The following DGKI variants were observed in gnomAD, a reference collection of about 807,000 sequenced individuals.
DGKI encodes DAG kinase iota.
DGKI carries 55 observed loss-of-function variants against 147.5 expected under a neutral mutation model. The ratio of observed to expected loss-of-function variants is 0.37; its 90% confidence interval spans 0.30 to 0.47. The LOEUF is 0.47. Among genes scored for constraint, DGKI ranks in the 20% least tolerant of loss-of-function variants. The probability of loss-of-function intolerance (pLI) is 1.00; values close to 1 mark genes in which losing one functional copy is unlikely to be tolerated. For synonymous variants in DGKI, 469 were observed against 477.1 expected, an observed-to-expected ratio of 0.98 and a Z score of 0.22; for missense variants, 1,007 against 1,323.8, an observed-to-expected ratio of 0.76 and a Z score of 3.71.
intron 20 of DGKI, among the ~76,000 whole-genome samples, chr7:137,529,646 T>C (rs899182984): frequency 1.3e-5 from 2 of 152,200 alleles, no homozygotes; most frequent in Non-Finnish European, 2.9e-5. Context: ...CAACCTTGAA[T>C]GATATTTCAA....
chr7:137,545,901 TG>T, intron 20 of DGKI: 1 of 702,510 alleles, frequency 1.4e-6, no homozygotes, highest in South Asian at 1.5e-5. Flanking sequence ...TGTACTCACA[TG>T]GTGAAGGAGC....
At chr7:137,574,058 C>G (rs930112225) in intron 17 of DGKI, among the ~76,000 whole-genome samples, 2 of 152,154 alleles carry the variant, frequency 1.3e-5, no homozygotes, top group Non-Finnish European at 2.9e-5. Context: ...CCCCAAGCTC[C>G]CTGCAAATTC....
intron 19 of DGKI, among the ~76,000 whole-genome samples, chr7:137,553,646 T>C (rs938161708): frequency 3.9e-5 from 6 of 152,144 alleles, no homozygotes; most frequent in Admixed American, 2.6e-4. Context: ...GCACACAAAT[T>C]TTATTATACA....
At chr7:137,474,204 A>G (rs934341933) in intron 23 of DGKI, among the ~76,000 whole-genome samples, 2 of 152,336 alleles carry the variant, frequency 1.3e-5, no homozygotes, top group Non-Finnish European at 2.9e-5. Context: ...TAAAAATTCT[A>G]CATATATAAA....
At chr7:137,443,625 T>C (rs1187535991) in intron 28 of DGKI, among the ~76,000 whole-genome samples, 1 of 152,208 alleles carries the variant, frequency 6.6e-6, no homozygotes, top group East Asian at 1.9e-4. Context: ...CTGCTTGCCT[T>C]CCTTTCAGAT....
At chr7:137,797,214 A>G (rs1039019505) in intron 1 of DGKI, among the ~76,000 whole-genome samples, 5 of 152,252 alleles carry the variant, frequency 3.3e-5, no homozygotes, top group Non-Finnish European at 7.3e-5. Flanking sequence ...TATTCTTCAA[A>G]TTTTATGAGA....
rs527459049 is a variant in DGKI, at chr7:137,453,392, T to A, written c.2736-9290A>T. Among the ~76,000 whole-genome samples the A allele has an allele frequency of 2.0e-5, 3 of 152,276 alleles. No homozygotes were observed. The East Asian group carries it at 5.8e-4, about 29-fold the overall frequency. Reference sequence around the variant, plus strand: ...CCATTATCACTCTAGCCCCAAAGCATCTCTAATTAGGTAAAATAGGACCAG... The same window carrying A: ...CCATTATCACTCTAGCCCCAAAGCAACTCTAATTAGGTAAAATAGGACCAG... On this transcript the variant is annotated intron_variant, in intron 27 of 32. Transcript: ENST00000614521.
chr7:137,415,546 A>G (rs1453096718), intron 28 of DGKI, among the ~76,000 whole-genome samples: 3 of 152,202 alleles, frequency 2.0e-5, no homozygotes, highest in African/African-American at 7.2e-5. Flanking sequence ...CAAGAGAACA[A>G]ATCAGTTTGG....
At chr7:137,829,401 G>T (rs964586726) in intron 1 of DGKI, among the ~76,000 whole-genome samples, 10 of 152,192 alleles carry the variant, frequency 6.6e-5, no homozygotes, top group African/African-American at 2.4e-4. Flanking sequence ...ATCATTCAAG[G>T]TTATCATTCA....
intron 1 of DGKI, among the ~76,000 whole-genome samples, chr7:137,827,510 T>C (rs374013678): frequency 6.6e-6 from 1 of 152,302 alleles, no homozygotes; most frequent in Middle Eastern, 3.4e-3. Flanking sequence ...TCTCCCTCCT[T>C]GTGTCCCCAT....
intron 6 of DGKI, among the ~76,000 whole-genome samples, chr7:137,635,578 G>A (rs879595729): frequency 9.9e-5 from 15 of 152,168 alleles, no homozygotes; most frequent in African/African-American, 2.7e-4. Flanking sequence ...TGGCATAGAG[G>A]TGCAGAAGCG....
chr7:137,770,911 T>A (rs1168752350), intron 1 of DGKI, among the ~76,000 whole-genome samples: 2 of 152,138 alleles, frequency 1.3e-5, no homozygotes, highest in Non-Finnish European at 2.9e-5. Flanking sequence ...AGTCTTGAAG[T>A]GAACCAAAAA....
intron 20 of DGKI, among the ~76,000 whole-genome samples, chr7:137,524,943 G>T (rs546096240): frequency 1.3e-5 from 2 of 152,078 alleles, no homozygotes; most frequent in Non-Finnish European, 2.9e-5. Context: ...TTACCAGTGT[G>T]TATCACCTTT....
chr7:137,617,052 G>A (rs1346896948), intron 8 of DGKI, among the ~76,000 whole-genome samples: 3 of 137,494 alleles, frequency 2.2e-5, no homozygotes, highest in African/African-American at 8.2e-5. Context: ...ATTGATCTTA[G>A]CATCACTGAG....
chr7:137,462,776 G>T (rs1379152821), intron 27 of DGKI, among the ~76,000 whole-genome samples: 1 of 152,286 alleles, frequency 6.6e-6, no homozygotes, highest in South Asian at 2.1e-4. Context: ...GAGATGGATT[G>T]ATTGGCCTGA....
At chr7:137,418,424 G>A (rs1268277799) in intron 28 of DGKI, among the ~76,000 whole-genome samples, 1 of 152,124 alleles carries the variant, frequency 6.6e-6, no homozygotes, top group Non-Finnish European at 1.5e-5. Flanking sequence ...GTAGAAGTTG[G>A]CATATGACTA....
rs149344610 is a variant in DGKI at position 137,839,593 on chromosome 7, C to A, written c.401+6869G>T. 2.0e-4 allele frequency among the ~76,000 whole-genome samples: 31 copies of A among 152,332 alleles called. No homozygotes were observed. In the East Asian group the frequency reaches 5.8e-3, roughly 28 times the overall value. ...ATTAAGACACAGAGAGGTTAAGTAA[C>A]TTTTGCAGGCACACAGCAGGCAGAG... On this transcript the variant is annotated intron_variant, in intron 1 of 32. Transcript: ENST00000614521.
intron 30 of DGKI, among the ~76,000 whole-genome samples, chr7:137,402,446 C>T (rs1175803168): frequency 2.0e-5 from 3 of 152,230 alleles, no homozygotes; most frequent in Non-Finnish European, 2.9e-5. Flanking sequence ...AGAAAGTGAA[C>T]ATCGTGTTAA....
At chr7:137,696,050 C>A (rs1019151743) in intron 1 of DGKI, among the ~76,000 whole-genome samples, 3 of 152,122 alleles carry the variant, frequency 2.0e-5, no homozygotes, top group Admixed American at 2.0e-4. Context: ...ATCAGCGGGC[C>A]CCCACAGCAC....
Sources: gnomAD v4.1 joint callset for allele counts (sites outside exome capture counted in the v4.1 genomes callset) on GRCh38, gnomAD v4.1.1 for gene constraint, MANE v1.5 for transcripts, NCBI Gene and HGNC (gene_info 2026-07-23, HGNC 2026-07-21) for gene names.